The following EBF1 variants were observed in gnomAD, a reference collection of about 807,000 sequenced individuals.
EBF1 encodes the protein transcription factor COE1.
In EBF1, 10 loss-of-function variants were observed where a neutral mutation model predicts 68.4. The observed-to-expected ratio is 0.15, with a 90% CI of 0.09 to 0.25. The LOEUF is 0.25. Ranked by LOEUF, EBF1 falls within the 10% of genes least tolerant of loss-of-function variation. The pLI, the probability that EBF1 is intolerant of heterozygous loss-of-function variation, is 1.00. For missense variants in EBF1, 509 were observed against 794.4 expected, an observed-to-expected ratio of 0.64 and a Z score of 4.32; for synonymous variants, 298 against 299.8, an observed-to-expected ratio of 0.99 and a Z score of 0.06.
intron 11 of EBF1, among the ~76,000 whole-genome samples, chr5:158,723,008 TC>T (rs1762260459): frequency 1.3e-5 from 2 of 152,096 alleles, no homozygotes; most frequent in African/African-American, 4.8e-5. Context: ...TTACCCTTAG[TC>T]CTCCCCATCA....
intron 6 of EBF1, among the ~76,000 whole-genome samples, chr5:159,003,003 T>C (rs1470308098): frequency 6.6e-6 from 1 of 152,238 alleles, no homozygotes; most frequent in South Asian, 2.1e-4. Context: ...TTACTCATGA[T>C]GCAAGTTTGG....
At chr5:158,848,062 C>A (rs1791877397) in intron 6 of EBF1, among the ~76,000 whole-genome samples, 1 of 152,234 alleles carries the variant, frequency 6.6e-6, no homozygotes, top group Non-Finnish European at 1.5e-5. Context: ...ACAAGCACTG[C>A]ACCATGTGTA....
intron 6 of EBF1, among the ~76,000 whole-genome samples, chr5:158,956,478 C>T (rs1293420534): frequency 3.3e-5 from 5 of 151,422 alleles, no homozygotes; most frequent in Non-Finnish European, 7.4e-5. Context: ...CACACACACA[C>T]GCACACACAC....
intron 5 of EBF1, chr5:159,073,839 G>T (rs1778265731): frequency 5.2e-6 from 1 of 192,970 alleles, no homozygotes; most frequent in Admixed American, 5.8e-5. Context: ...CTTCCCTCAA[G>T]ATCACACTAA....
At chr5:159,064,950 T>G (rs539854428) in intron 6 of EBF1, among the ~76,000 whole-genome samples, 1 of 134,264 alleles carries the variant, frequency 7.4e-6, no homozygotes, top group Non-Finnish European at 1.5e-5. Context: ...TGTGCGTGTG[T>G]GTATGTGCGT....
intron 11 of EBF1, among the ~76,000 whole-genome samples, chr5:158,720,192 T>C (rs1008707725): frequency 6.6e-6 from 1 of 152,202 alleles, no homozygotes; most frequent in African/African-American, 2.4e-5. Context: ...TAGGGTTTAC[T>C]GCAGGACCCA....
chr5:158,838,677 C>G (rs1468726507), intron 7 of EBF1, among the ~76,000 whole-genome samples: 1 of 152,122 alleles, frequency 6.6e-6, no homozygotes, highest in Non-Finnish European at 1.5e-5. Context: ...TGCTCAAGAT[C>G]ATCTTTCCTT....
chr5:158,936,402 G>A (rs1380944737), intron 6 of EBF1, among the ~76,000 whole-genome samples: 1 of 152,202 alleles, frequency 6.6e-6, no homozygotes. Context: ...TCCTAGAGAC[G>A]TGGTTTCCTC....
chr5:159,013,808 G>A (rs1022684181), intron 6 of EBF1, among the ~76,000 whole-genome samples: 1 of 152,132 alleles, frequency 6.6e-6, no homozygotes, highest in African/African-American at 2.4e-5. Context: ...TATCCTTCCA[G>A]CTCACACTCC....
At chr5:159,096,075 A>C (rs1782554262) in intron 3 of EBF1, among the ~76,000 whole-genome samples, 1 of 152,250 alleles carries the variant, frequency 6.6e-6, no homozygotes, top group Admixed American at 6.5e-5. Context: ...AACAGGCCTC[A>C]GGAAGGGGAG....
At chr5:158,800,988 C>T (rs1561965029) in intron 8 of EBF1, among the ~76,000 whole-genome samples, 1 of 152,122 alleles carries the variant, frequency 6.6e-6, no homozygotes, top group African/African-American at 2.4e-5. Context: ...TCATAAGTAT[C>T]CGCAAGGCCA....
intron 6 of EBF1, among the ~76,000 whole-genome samples, chr5:159,044,576 G>A (rs971587161): frequency 2.3e-4 from 35 of 152,044 alleles, no homozygotes; most frequent in African/African-American, 8.0e-4. Context: ...TAAGTCACGA[G>A]GCAGAAAATA....
At chr5:159,086,307 A>C (rs1780627696) in intron 4 of EBF1, among the ~76,000 whole-genome samples, 1 of 152,174 alleles carries the variant, frequency 6.6e-6, no homozygotes, top group Admixed American at 6.5e-5. Context: ...GAATTCTCTT[A>C]CATAACCACA....
At chr5:158,857,328 A>G (rs1023176211) in intron 6 of EBF1, among the ~76,000 whole-genome samples, 9 of 151,984 alleles carry the variant, frequency 5.9e-5, no homozygotes, top group African/African-American at 2.2e-4. Flanking sequence ...CTGTCCCCCA[A>G]AATCTCTCCA....
At chr5:159,026,892 C>A in intron 6 of EBF1, among the ~76,000 whole-genome samples, 1 of 152,170 alleles carries the variant, frequency 6.6e-6, no homozygotes, top group East Asian at 1.9e-4. Flanking sequence ...CTGCCTGCAG[C>A]ACAAACAAAT....
At chr5:159,020,390 G>T (rs983283071) in intron 6 of EBF1, among the ~76,000 whole-genome samples, 1 of 152,152 alleles carries the variant, frequency 6.6e-6, no homozygotes, top group Admixed American at 6.5e-5. Flanking sequence ...CCTAACACAG[G>T]ACTTGGCAGA....
At chr5:158,825,723 C>T (rs890107603) in intron 7 of EBF1, among the ~76,000 whole-genome samples, 12 of 152,092 alleles carry the variant, frequency 7.9e-5, no homozygotes, top group African/African-American at 2.6e-4. Flanking sequence ...GGCTGAAATG[C>T]CAATCAAAAT....
At chr5:158,740,457 G>C (rs1415869762) in intron 10 of EBF1, among the ~76,000 whole-genome samples, 1 of 152,016 alleles carries the variant, frequency 6.6e-6, no homozygotes, top group Non-Finnish European at 1.5e-5. Context: ...CTCTGCAGAC[G>C]GTCAGACTGG....
chr5:158,698,508 G>GGT lies in EBF1; in HGVS notation c.*601_*602dup. On this transcript the variant is annotated 3_prime_UTR_variant, in exon 16 of 16. Transcript: ENST00000313708. ...GATAAATAAGCTTGCACTGCTAAGG[G>GGT]GTGGCATGTTAAGTTAGATATTGAA... 1 of 220,358 alleles carries GGT rather than the reference G, an allele frequency of 4.5e-6. No homozygotes were observed. The highest frequency in any genetic ancestry group is 9.1e-6 in the Non-Finnish European group (1 of 109,690). 13.7% of individuals were successfully genotyped at this position (220,358 alleles called of 1,614,324 possible).
Sources: allele counts gnomAD v4.1 joint callset (sites outside exome capture counted in the v4.1 genomes callset), GRCh38; gene constraint gnomAD v4.1.1; transcripts MANE v1.5; gene names NCBI Gene and HGNC (gene_info 2026-07-23, HGNC 2026-07-21).